PTPN5: variants seen among roughly 807,000 people sequenced by gnomAD.
The protein encoded by PTPN5 is tyrosine-protein phosphatase non-receptor type 5.
In PTPN5, 29 loss-of-function variants were observed where a neutral mutation model predicts 73.9. That is an observed-to-expected ratio of 0.39 (90% CI 0.29 to 0.54). PTPN5 has a LOEUF of 0.54. Among genes scored for constraint, PTPN5 ranks in the 20% least tolerant of loss-of-function variants. The probability of loss-of-function intolerance (pLI) is 0.65; values close to 1 mark genes in which losing one functional copy is unlikely to be tolerated. For synonymous variants in PTPN5, 267 were observed against 304.7 expected, an observed-to-expected ratio of 0.88 and a Z score of 1.29; for missense variants, 652 against 751.4, an observed-to-expected ratio of 0.87 and a Z score of 1.55.
chr11:18,744,265 C>G (rs1009625267), intron 3 of PTPN5, 66 bp from the exon 4 acceptor site: 1 of 1,378,412 alleles, frequency 7.3e-7, no homozygotes, highest in Non-Finnish European at 9.5e-7. Context: ...TCTGCCACCC[C>G]TTTTGGGGTG....
At chr11:18,764,913 C>T (rs531270997) in intron 3 of PTPN5, among the ~76,000 whole-genome samples, 42 of 152,198 alleles carry the variant, frequency 2.8e-4, no homozygotes, top group South Asian at 8.3e-4. Context: ...GGAGTTTCAC[C>T]ATGTTAGCCA....
chr11:18,764,395 C>T (rs1850536860), intron 3 of PTPN5, among the ~76,000 whole-genome samples: 1 of 152,234 alleles, frequency 6.6e-6, no homozygotes, highest in African/African-American at 2.4e-5. Flanking sequence ...CTCTTCTAGA[C>T]AGACGGTCCC....
intron 3 of PTPN5, among the ~76,000 whole-genome samples, chr11:18,746,553 A>G (rs1381958037): frequency 1.4e-5 from 2 of 147,068 alleles, no homozygotes; most frequent in African/African-American, 5.0e-5. Context: ...AGCATTTAGT[A>G]AGTACCCAAT....
At chr11:18,769,700 G>A (rs1336466937) in intron 2 of PTPN5, among the ~76,000 whole-genome samples, 2 of 152,190 alleles carry the variant, frequency 1.3e-5, no homozygotes, top group East Asian at 1.9e-4. Flanking sequence ...CACCGCGCCC[G>A]GCCAGGGACT....
chr11:18,741,517 C>T (rs1849364449), intron 7 of PTPN5, among the ~76,000 whole-genome samples: 1 of 152,206 alleles, frequency 6.6e-6, no homozygotes, highest in African/African-American at 2.4e-5. Flanking sequence ...TGACTCCACA[C>T]CCAGTGTTCT....
intron 3 of PTPN5, among the ~76,000 whole-genome samples, chr11:18,756,878 C>T (rs1400151572): frequency 2.0e-5 from 3 of 148,366 alleles, no homozygotes; most frequent in African/African-American, 5.0e-5. Flanking sequence ...GAGCCAAGAT[C>T]GTGCCACTGC....
Position 18,728,796 on chromosome 11 carries a change from G to A in PTPN5, c.*138C>T. The A allele has an allele frequency of 1.3e-6, 1 of 746,474 alleles. No individual in the cohort carries two copies. The highest frequency in any genetic ancestry group is 2.7e-5 in the East Asian group (1 of 36,754). The allele number at this position is 746,474 out of a possible 1,614,324, so 46.2% of individuals were successfully genotyped here. On this transcript the variant is annotated 3_prime_UTR_variant, in exon 15 of 15. Transcript: ENST00000358540. This position sits in a 1 kb window ranked among gnomAD's most constrained non-coding sequence, Gnocchi z 4.1. ...AGCAATGCTGGAGGGTAGGGGTCAG[G>A]CCAGGCTGACAGAGGACAGAGGGAG... is the stretch of plus-strand genomic sequence containing the variant.
rs1849439832 is a variant in PTPN5, at chr11:18,742,959, C to A, written c.483+33G>T. On this transcript the variant is annotated intron_variant, in intron 6 of 14. Transcript: ENST00000358540. This position sits in a 1 kb window ranked among gnomAD's most constrained non-coding sequence, Gnocchi z 4.1. ...TCCAGGCCTCAAGGTCAGAGGAGGA[C>A]AGCCTTGAGGTTGGGGTCAGGAGGC... 1.4e-6 allele frequency: 2 copies of A among 1,382,020 alleles called. No homozygotes were observed. The highest frequency in any genetic ancestry group is 2.0e-6 in the Non-Finnish European group (2 of 992,686). The allele number at this position is 1,382,020 out of a possible 1,614,324, so 85.6% of individuals were successfully genotyped here.
At chr11:18,737,241 G>T (rs1305748789) in intron 9 of PTPN5, among the ~76,000 whole-genome samples, 1 of 152,170 alleles carries the variant, frequency 6.6e-6, no homozygotes, top group African/African-American at 2.4e-5. Flanking sequence ...AGGAGCATCA[G>T]GTCACCTGGT....
chr11:18,778,056 C>T (rs1851252850), intron 1 of PTPN5, among the ~76,000 whole-genome samples: 1 of 152,076 alleles, frequency 6.6e-6, no homozygotes, highest in African/African-American at 2.4e-5. Flanking sequence ...TGCCAATTTT[C>T]ATGGTGTAAA....
At chr11:18,753,612 T>C (rs1849992844) in intron 3 of PTPN5, among the ~76,000 whole-genome samples, 1 of 152,206 alleles carries the variant, frequency 6.6e-6, no homozygotes, top group African/African-American at 2.4e-5. Flanking sequence ...AGATCCTCTG[T>C]TGGAACCAGT....
intron 2 of PTPN5, among the ~76,000 whole-genome samples, chr11:18,770,947 TG>T (rs1271104393): frequency 2.6e-5 from 4 of 151,818 alleles, no homozygotes; most frequent in Admixed American, 1.3e-4. Context: ...GAGTGGGGGA[TG>T]GGGGGTGCTA....
intron 2 of PTPN5, among the ~76,000 whole-genome samples, chr11:18,766,936 C>G (rs928203610): frequency 6.6e-6 from 1 of 152,176 alleles, no homozygotes; most frequent in African/African-American, 2.4e-5. Context: ...CCACAGTGCC[C>G]TGGAGAGAAG....
intron 1 of PTPN5, among the ~76,000 whole-genome samples, chr11:18,775,930 C>T (rs1353924299): frequency 1.3e-5 from 2 of 152,132 alleles, no homozygotes; most frequent in Non-Finnish European, 2.9e-5. Context: ...CAAGCATGTC[C>T]GGCCTGAGCC....
chr11:18,733,742 G>C lies in PTPN5; in HGVS notation c.1001-107C>G. The C allele has an allele frequency of 2.1e-6, 2 of 974,536 alleles. No individual in the cohort carries two copies. The highest frequency in any genetic ancestry group is 3.3e-6 in the Non-Finnish European group (2 of 613,830). The allele number at this position is 974,536 out of a possible 1,614,324, so 60.4% of individuals were successfully genotyped here. A position where few individuals can be genotyped will look rare whatever the true frequency, so the allele number is the denominator to read the frequency against. The stretch of plus-strand genomic sequence containing the variant: ...CCACACTTCTTCTGCGACATTAGCA[G>C]TTCTTCCTTCCCTTGCCCAGCAGCA... On this transcript the variant is annotated intron_variant, in intron 9 of 14. Coordinates refer to ENST00000358540, the MANE Select transcript of PTPN5 (RefSeq NM_006906.2). This position sits in a 1 kb window ranked among gnomAD's most constrained non-coding sequence, Gnocchi z 4.3.
intron 8 of PTPN5, 45 bp downstream of exon 8, chr11:18,740,558 A>G (rs1849315262): frequency 7.2e-7 from 1 of 1,382,880 alleles, no homozygotes; most frequent in Non-Finnish European, 9.4e-7. Context: ...TGGATGATTG[A>G]CATGGGTCTG....
chr11:18,765,032 A>G (rs1850578462), intron 3 of PTPN5, among the ~76,000 whole-genome samples: 1 of 152,206 alleles, frequency 6.6e-6, no homozygotes, highest in South Asian at 2.1e-4. Context: ...GTCTTCTAAC[A>G]AAATGTTCAG....
At chr11:18,763,441 G>A (rs1850491147) in intron 3 of PTPN5, among the ~76,000 whole-genome samples, 1 of 152,164 alleles carries the variant, frequency 6.6e-6, no homozygotes, top group African/African-American at 2.4e-5. Flanking sequence ...CCTGGGCCTT[G>A]GTCCTCTCAT....
chr11:18,733,482 A>G lies in PTPN5; in HGVS notation c.1080+74T>C, dbSNP rs1290032563. 1.1e-5 allele frequency: 18 copies of G among 1,612,664 alleles called. No individual in the cohort carries two copies. Among genetic ancestry groups the G allele is most frequent in the Non-Finnish European group, 1.4e-5 (17 of 1,178,990 alleles). On this transcript the variant is annotated intron_variant, in intron 10 of 14. Transcript: ENST00000358540. This position sits in a 1 kb window ranked among gnomAD's most constrained non-coding sequence, Gnocchi z 4.3. ...TGGCAGGAGCCAGACTGGTGTAGGG[A>G]CAAGGCTGGAGGATGGATCCCATCG...
Sources: allele counts gnomAD v4.1 joint callset (sites outside exome capture counted in the v4.1 genomes callset), GRCh38; gene constraint gnomAD v4.1.1; non-coding constraint Gnocchi (gnomAD v3.1); transcripts MANE v1.5; gene names NCBI Gene and HGNC (gene_info 2026-07-23, HGNC 2026-07-21).